Variants in CRACR2A observed in about 807,000 individuals in gnomAD.
CRACR2A encodes the protein EF-hand calcium-binding domain-containing protein 4B.
CRACR2A carries 79 observed loss-of-function variants against 90.5 expected under a neutral mutation model. The ratio of observed to expected loss-of-function variants is 0.87; its 90% CI spans 0.73 to 1.05. The LOEUF is 1.05. Among genes scored for constraint, CRACR2A ranks in the 50% least tolerant of loss-of-function variants. CRACR2A has a pLI of 0.00. For missense variants in CRACR2A, 823 were observed against 897.2 expected (o/e 0.92, Z 1.06); for synonymous variants, 338 against 356.7 (o/e 0.95, Z 0.59).
intron 5 of CRACR2A, 121 bp from the exon 6 acceptor site, chr12:3,679,219 C>A (rs1169814712): frequency 1.6e-5 from 16 of 1,030,382 alleles, no homozygotes; most frequent in Non-Finnish European, 1.9e-5. Context: ...AAGGGAAAGC[C>A]CCTCCAGCAA....
Position 3,633,797 on chromosome 12 carries a change from C to A in CRACR2A, c.1603-61G>T. 4 of 1,545,586 alleles carry A rather than the reference C, an allele frequency of 2.6e-6. No homozygotes were observed. The South Asian group carries it at 4.8e-5, about 18-fold the overall frequency. On this transcript the variant is annotated intron_variant, in intron 14 of 19. Transcript: ENST00000440314. This position sits in a 1 kb window ranked among gnomAD's most constrained non-coding sequence, Gnocchi z 4.5. ...ATAGTCTTGCCAGCCCCTGCCCCTGCCACCAGAGGCCCTTTACCCATCCCT... is the reference window on the plus strand; with the variant it reads ...ATAGTCTTGCCAGCCCCTGCCCCTGACACCAGAGGCCCTTTACCCATCCCT...
intron 1 of CRACR2A, among the ~76,000 whole-genome samples, chr12:3,750,487 AATTCTGCAAT>A (rs898362304): frequency 6.3e-4 from 96 of 152,288 alleles, no homozygotes; most frequent in African/African-American, 1.9e-3. Flanking sequence ...TAAGATCCTG[AATTCTGCAAT>A]ATTCTGCAAT....
At chr12:3,714,411 G>A (rs922360869) in intron 2 of CRACR2A, among the ~76,000 whole-genome samples, 2 of 152,176 alleles carry the variant, frequency 1.3e-5, no homozygotes, top group East Asian at 1.9e-4. Context: ...CTGCTCCACT[G>A]GCATTGCTAC....
At chr12:3,720,315 GAA>G (rs908224569) in intron 2 of CRACR2A, among the ~76,000 whole-genome samples, 4 of 132,872 alleles carry the variant, frequency 3.0e-5, no homozygotes, top group African/African-American at 5.6e-5. Context: ...AAGAAGGAAA[GAA>G]AGAGAGACAG....
At chr12:3,651,354 C>T (rs919738490) in intron 10 of CRACR2A, among the ~76,000 whole-genome samples, 5 of 152,256 alleles carry the variant, frequency 3.3e-5, no homozygotes, top group Admixed American at 3.3e-4. Flanking sequence ...AAAGGATCCA[C>T]AAGAAACCAT....
chr12:3,743,767 A>G (rs1370013026), intron 1 of CRACR2A, among the ~76,000 whole-genome samples: 1 of 152,098 alleles, frequency 6.6e-6, no homozygotes, highest in Non-Finnish European at 1.5e-5. Flanking sequence ...TCCCCAGCTG[A>G]CTTCATTCCC....
rs1301625787 is a variant in CRACR2A at position 3,621,671 on chromosome 12, A to AAAAAAAAAAAAAAC, written c.1933-2300_1933-2299insGTTTTTTTTTTTTT. 7.6e-5 allele frequency among the ~76,000 whole-genome samples: 11 copies of AAAAAAAAAAAAAAC among 145,392 alleles called. 1 individual carries two copies. The highest frequency in any genetic ancestry group is 1.7e-4 in the Non-Finnish European group (11 of 66,448). On this transcript the variant is annotated intron_variant, in intron 17 of 19. Transcript: ENST00000440314. The stretch of plus-strand genomic sequence containing the variant: ...GTCAAAAAAAAAAAAAAAAAAAAAA[A>AAAAAAAAAAAAAAC]AAAAAAAAAACCAAAGCAATTCCTG...
intron 11 of CRACR2A, chr12:3,648,263 A>G: frequency 7.5e-7 from 1 of 1,332,272 alleles, no homozygotes; most frequent in East Asian, 2.6e-5. Context: ...GCATGAGATC[A>G]AGTACCAAGC....
chr12:3,694,384 C>T (rs1945702630), intron 4 of CRACR2A, among the ~76,000 whole-genome samples: 1 of 152,232 alleles, frequency 6.6e-6, no homozygotes, highest in South Asian at 2.1e-4. Flanking sequence ...TCTCTGCTGT[C>T]AAGGACCTTT....
chr12:3,640,759 C>A, intron 13 of CRACR2A: 1 of 1,305,364 alleles, frequency 7.7e-7, no homozygotes, highest in Non-Finnish European at 1.0e-6. Flanking sequence ...AGTCGGGATG[C>A]CTCTATCTCT....
intron 2 of CRACR2A, among the ~76,000 whole-genome samples, chr12:3,713,565 A>G (rs184622541): frequency 6.6e-6 from 1 of 152,256 alleles, no homozygotes; most frequent in East Asian, 1.9e-4. Flanking sequence ...GCCTGATGGG[A>G]GCAGGCCCTT....
In CRACR2A at chr12:3,633,852, C is replaced by T; in HGVS notation, c.1603-116G>A. On this transcript the variant is annotated intron_variant, in intron 14 of 19. Transcript: ENST00000440314. This position sits in a 1 kb window ranked among gnomAD's most constrained non-coding sequence, Gnocchi z 4.5. ...TGGCCCTCAGGAGGTGCAGACCGGC[C>T]TCTAGACCTGCACCAGGAGGCTGCC... 6.5e-6 allele frequency: 9 copies of T among 1,381,900 alleles called. No homozygotes were observed. Among genetic ancestry groups the T allele is most frequent in the Non-Finnish European group, 8.8e-6 (9 of 1,021,838 alleles). 85.6% of individuals were successfully genotyped at this position (1,381,900 alleles called of 1,614,324 possible).
At position 3,678,661 on chromosome 12, in the gene CRACR2A, G is replaced by T. The variant is rs889265769; in HGVS notation, c.524+254C>A. Among the ~76,000 whole-genome samples the T allele has an allele frequency of 3.3e-5, 5 of 152,040 alleles. No homozygotes were observed. The South Asian group carries it at 6.2e-4, about 19-fold the overall frequency. The stretch of plus-strand genomic sequence containing the variant: ...ATGGCCAGGAGTGAGGAAGGTAGAG[G>T]GGGTGGGAGAGAAGGAGAATAGGAA... On this transcript the variant is annotated intron_variant, in intron 6 of 19. Transcript: ENST00000440314.
chr12:3,639,133 C>T (rs1252513912), intron 13 of CRACR2A, among the ~76,000 whole-genome samples: 11 of 152,204 alleles, frequency 7.2e-5, no homozygotes, highest in Non-Finnish European at 1.6e-4. Context: ...GGCTCACAGG[C>T]AGCTTCCCCC....
chr12:3,675,147 C>G (rs981251748), intron 6 of CRACR2A, among the ~76,000 whole-genome samples: 3 of 152,192 alleles, frequency 2.0e-5, no homozygotes, highest in Non-Finnish European at 4.4e-5. Flanking sequence ...TTCCTGTTGG[C>G]TCCCCAGGAA....
At chr12:3,741,849 T>A (rs1476075969) in intron 1 of CRACR2A, among the ~76,000 whole-genome samples, 3 of 152,174 alleles carry the variant, frequency 2.0e-5, no homozygotes, top group Admixed American at 2.0e-4. Context: ...AGAAAACACA[T>A]CCTCAAGAGC....
chr12:3,670,418 G>A (rs1397494076), intron 7 of CRACR2A, among the ~76,000 whole-genome samples: 3 of 152,050 alleles, frequency 2.0e-5, no homozygotes, highest in Non-Finnish European at 4.4e-5. Flanking sequence ...TCTAAAACCT[G>A]AAAATGTCCC....
intron 14 of CRACR2A, 64 bp downstream of exon 14, chr12:3,638,060 C>T: frequency 1.4e-6 from 2 of 1,451,112 alleles, no homozygotes; most frequent in Non-Finnish European, 1.8e-6. Context: ...GGGCGCTTGG[C>T]CTCAAATGCA....
chr12:3,714,276 G>A (rs2137780808), intron 2 of CRACR2A, among the ~76,000 whole-genome samples: 1 of 152,332 alleles, frequency 6.6e-6, no homozygotes, highest in African/African-American at 2.4e-5. Flanking sequence ...TTGTCCTTGT[G>A]GAGCTTATAT....
Sources: gnomAD v4.1 joint callset for allele counts (sites outside exome capture counted in the v4.1 genomes callset) on GRCh38, gnomAD v4.1.1 for gene constraint, Gnocchi (gnomAD v3.1) non-coding constraint, MANE v1.5 for transcripts, NCBI Gene and HGNC (gene_info 2026-07-23, HGNC 2026-07-21) for gene names.